Variants in ICA1 observed in about 807,000 individuals in gnomAD.
ICA1 encodes the protein islet cell autoantigen 1, also known as 69 kDa islet cell autoantigen.
A neutral mutation model predicts 71.0 loss-of-function variants in ICA1; 40 were observed. The ratio of observed to expected loss-of-function variants is 0.56; its 90% CI spans 0.44 to 0.73. ICA1 has a LOEUF of 0.73. Ranked by LOEUF, ICA1 falls within the 30% of genes least tolerant of loss-of-function variation. The pLI is 0.00. For synonymous variants in ICA1, 207 were observed against 209.5 expected (o/e 0.99, Z 0.10); for missense variants, 578 against 576.5 (o/e 1.00, Z -0.03).
At chr7:8,157,695 AT>A (rs1554297494) in intron 7 of ICA1, 4 of 140,054 alleles carry the variant, frequency 2.9e-5, no homozygotes, top group Non-Finnish European at 3.0e-5. Flanking sequence ...CCTAGTCTTA[AT>A]TTTTTTTTTT....
intron 6 of ICA1, among the ~76,000 whole-genome samples, chr7:8,166,169 C>T (rs1326596959): frequency 6.6e-6 from 1 of 152,026 alleles, no homozygotes; most frequent in Non-Finnish European, 1.5e-5. Flanking sequence ...TATTAATTAC[C>T]AGTAAAACGT....
At chr7:8,119,255 C>G (rs1055545367) in intron 13 of ICA1, among the ~76,000 whole-genome samples, 1 of 152,068 alleles carries the variant, frequency 6.6e-6, no homozygotes, top group African/African-American at 2.4e-5. Flanking sequence ...CTCAGTAAAG[C>G]CAGGTGAGGA....
intron 6 of ICA1, among the ~76,000 whole-genome samples, chr7:8,210,915 G>A (rs1186980851): frequency 6.7e-6 from 1 of 149,970 alleles, no homozygotes; most frequent in African/African-American, 2.5e-5. Context: ...GATCCCAGGA[G>A]CTCCAGCGAG....
In ICA1 at chr7:8,144,058, A is replaced by G; in HGVS notation, c.805-86T>C. On this transcript the variant is annotated intron_variant, in intron 8 of 13. Transcript: ENST00000402384. The surrounding 1 kb of genome is among the most constrained non-coding windows in gnomAD (Gnocchi z 4.5). ...AAAAAGAAAAGAAAGGTTATCAATT[A>G]AAAAATTCAACTGCCATTTGTCCCA... is the stretch of plus-strand genomic sequence containing the variant. The G allele has an allele frequency of 8.8e-6, 7 of 799,734 alleles. No homozygotes were observed. The South Asian group carries it at 1.2e-4, about 14-fold the overall frequency. The allele number at this position is 799,734 out of a possible 1,614,324, so 49.5% of individuals were successfully genotyped here.
At chr7:8,161,230 A>C (rs192508992) in intron 6 of ICA1, among the ~76,000 whole-genome samples, 13 of 152,384 alleles carry the variant, frequency 8.5e-5, no homozygotes, top group African/African-American at 3.1e-4. Context: ...AAATGAATGC[A>C]CATAGCATAA....
intron 8 of ICA1, chr7:8,156,777 C>T: frequency 7.0e-7 from 1 of 1,434,144 alleles, no homozygotes; most frequent in Non-Finnish European, 9.2e-7. Flanking sequence ...TCCCCTTTAG[C>T]AATGTCAAAC....
chr7:8,113,787 C>T lies in ICA1; in HGVS notation c.*136G>A, dbSNP rs1323696770. 3 of 861,598 alleles carry T rather than the reference C, an allele frequency of 3.5e-6. No individual in the cohort carries two copies. Among genetic ancestry groups the T allele is most frequent in the East Asian group, 2.5e-5 (1 of 40,410 alleles). The allele number at this position is 861,598 out of a possible 1,614,324, so 53.4% of individuals were successfully genotyped here. ...GAGTAAATAATTATACCAATATAAA[C>T]AGGGCCGTTGACCCTTTCATTTTAT... On this transcript the variant is annotated 3_prime_UTR_variant, in exon 14 of 14. Coordinates refer to ENST00000402384, the MANE Select transcript of ICA1 (RefSeq NM_001136020.3). The surrounding 1 kb of genome is among the most constrained non-coding windows in gnomAD (Gnocchi z 4.2).
chr7:8,143,875 T>G lies in ICA1; in HGVS notation c.902A>C (p.Gln301Pro), dbSNP rs768994853. The change falls in exon 9 of 14, where the codon CAA becomes CCA. Residue 301 changes from glutamine to proline, a missense_variant and splice_region_variant. Coordinates refer to ENST00000402384, the MANE Select transcript of ICA1 (RefSeq NM_001136020.3). ...CAGAGGGAAGGAACCTGTGACTTAC[T>G]GGCTCGGCTCCTGCACGGCTGCATC... is the stretch of plus-strand genomic sequence containing the variant. ...STDAAVQEPS[Q>P]LISLEEENQR... 3 of 1,595,274 alleles carry G rather than the reference T, an allele frequency of 1.9e-6. No homozygotes were observed. In the African/African-American group the frequency reaches 4.0e-5, roughly 21 times the overall value.
intron 6 of ICA1, among the ~76,000 whole-genome samples, chr7:8,204,563 G>C (rs1790847463): frequency 6.6e-6 from 1 of 152,156 alleles, no homozygotes; most frequent in Non-Finnish European, 1.5e-5. Context: ...CAGAATGTTA[G>C]GGAAAACTCT....
intron 6 of ICA1, among the ~76,000 whole-genome samples, chr7:8,179,777 C>T (rs1781652620): frequency 6.6e-6 from 1 of 151,698 alleles, no homozygotes; most frequent in Non-Finnish European, 1.5e-5. Flanking sequence ...CACATTTTTA[C>T]AGAAAGAGTT....
At chr7:8,253,980 T>A (rs1420481487) in intron 1 of ICA1, among the ~76,000 whole-genome samples, 3 of 152,194 alleles carry the variant, frequency 2.0e-5, no homozygotes, top group African/African-American at 7.2e-5. Flanking sequence ...TTTATAAGGT[T>A]CTCTTCCTTT....
chr7:8,143,003 G>A (rs1452972139), intron 9 of ICA1, among the ~76,000 whole-genome samples: 2 of 152,184 alleles, frequency 1.3e-5, no homozygotes, highest in Admixed American at 6.5e-5. Context: ...TCTGAAAGTC[G>A]ATTTAGAAAT....
rs1457452994 is a variant in ICA1, at chr7:8,222,815, A to AG, written c.257-1418dup. 6.6e-6 allele frequency among the ~76,000 whole-genome samples: 1 copy of AG among 152,178 alleles called. No homozygotes were observed. The highest frequency in any genetic ancestry group is 1.5e-5 in the Non-Finnish European group (1 of 68,014). Reference sequence around the variant, plus strand: ...ATTGATCCCTATTTCTCCGGACAGCAGTGCTCTCTGGGCACCTGACTTAGC... The same window carrying AG: ...ATTGATCCCTATTTCTCCGGACAGCAGGTGCTCTCTGGGCACCTGACTTAGC... On this transcript the variant is annotated intron_variant, in intron 4 of 13. Transcript: ENST00000402384. The surrounding 1 kb of genome is among the most constrained non-coding windows in gnomAD (Gnocchi z 4.8).
intron 1 of ICA1, among the ~76,000 whole-genome samples, chr7:8,256,906 C>A (rs772126362): frequency 1.9e-3 from 282 of 152,288 alleles, no homozygotes; most frequent in Middle Eastern, 3.4e-3. Flanking sequence ...ATGTCATCGC[C>A]ACACATTATG....
At chr7:8,253,640 A>AT in intron 1 of ICA1, among the ~76,000 whole-genome samples, 1 of 152,156 alleles carries the variant, frequency 6.6e-6, no homozygotes, top group South Asian at 2.1e-4. Context: ...ATTTAAGTAC[A>AT]TTTTTTGCTT....
chr7:8,250,189 T>C (rs971940884), intron 1 of ICA1, among the ~76,000 whole-genome samples: 5 of 152,240 alleles, frequency 3.3e-5, no homozygotes, highest in African/African-American at 4.8e-5. Flanking sequence ...TCCTAGATGT[T>C]TGTCTCTGTC....
intron 6 of ICA1, among the ~76,000 whole-genome samples, chr7:8,171,934 T>C (rs891201747): frequency 2.6e-5 from 4 of 152,026 alleles, no homozygotes; most frequent in African/African-American, 9.6e-5. Context: ...TATTTGTTAC[T>C]GATTTCTAGT....
intron 6 of ICA1, among the ~76,000 whole-genome samples, chr7:8,196,169 T>C (rs541410633): frequency 6.6e-6 from 1 of 152,300 alleles, no homozygotes; most frequent in East Asian, 1.9e-4. Flanking sequence ...AAATATTATT[T>C]AGTACTAAAA....
At chr7:8,183,720 T>G (rs1767712376) in intron 6 of ICA1, among the ~76,000 whole-genome samples, 1 of 152,226 alleles carries the variant, frequency 6.6e-6, no homozygotes, top group South Asian at 2.1e-4. Context: ...AAAACTGTAA[T>G]GCTTAATGCT....
Sources: gnomAD v4.1 joint callset for allele counts (sites outside exome capture counted in the v4.1 genomes callset) on GRCh38, gnomAD v4.1.1 for gene constraint, Gnocchi (gnomAD v3.1) non-coding constraint, MANE v1.5 for transcripts, NCBI Gene and HGNC (gene_info 2026-07-23, HGNC 2026-07-21) for gene names.